The following IQGAP1 variants were observed in gnomAD, a reference collection of about 807,000 sequenced individuals.
IQGAP1 encodes IQ motif containing GTPase activating protein 1, also known as ras GTPase-activating-like protein IQGAP1.
A neutral mutation model predicts 215.6 loss-of-function variants in IQGAP1; 66 were observed. The ratio of observed to expected loss-of-function variants is 0.31; its 90% CI spans 0.25 to 0.38. The LOEUF is 0.38. Among genes scored for constraint, IQGAP1 ranks in the 10% least tolerant of loss-of-function variants. The pLI is 1.00. For missense variants in IQGAP1, 1,712 were observed against 1,997.1 expected, an observed-to-expected ratio of 0.86 and a Z score of 2.72; for synonymous variants, 772 against 728.7, an observed-to-expected ratio of 1.06 and a Z score of -0.96.
intron 18 of IQGAP1, among the ~76,000 whole-genome samples, chr15:90,471,777 G>T (rs931193259): frequency 1.3e-5 from 2 of 152,020 alleles, no homozygotes; most frequent in African/African-American, 4.8e-5. Flanking sequence ...TGGGATTACA[G>T]GCGTGAGCCA....
At chr15:90,394,998 G>A (rs1021846430) in intron 2 of IQGAP1, among the ~76,000 whole-genome samples, 3 of 152,180 alleles carry the variant, frequency 2.0e-5, no homozygotes, top group African/African-American at 7.2e-5. Context: ...TTCTGTGGCT[G>A]TGGGTTTGTG....
At chr15:90,467,410 G>A in intron 17 of IQGAP1, 40 bp from the exon 18 acceptor site, 1 of 1,586,844 alleles carries the variant, frequency 6.3e-7, no homozygotes, top group Non-Finnish European at 8.6e-7. Flanking sequence ...TGGGGAGTGT[G>A]GCTCTGGATG....
intron 2 of IQGAP1, chr15:90,391,408 C>T (rs1964634442): frequency 6.6e-6 from 1 of 152,348 alleles, no homozygotes; most frequent in Non-Finnish European, 1.5e-5. Flanking sequence ...AACGGTTTTC[C>T]AGGTTTCTAT....
At chr15:90,484,191 T>G in intron 29 of IQGAP1, 29 bp from the exon 30 acceptor site, 1 of 1,607,504 alleles carries the variant, frequency 6.2e-7, no homozygotes. Context: ...TGTCCCTTTT[T>G]GGGGGGCTGC....
rs1965830419 is a variant in IQGAP1, at chr15:90,466,327, A to G, written c.1926A>G (p.Thr642=). The change falls in exon 17 of 38, where the codon ACA becomes ACG. Residue 642 remains threonine, a synonymous_variant. Coordinates refer to ENST00000268182, the MANE Select transcript of IQGAP1 (RefSeq NM_003870.4). Reference sequence around the variant, plus strand: ...TAGAAAGTGGTGATGTTGGCAAAACACTGAGTGCCCTTCGCTCCCCTGATG... The same window carrying G: ...TAGAAAGTGGTGATGTTGGCAAAACGCTGAGTGCCCTTCGCTCCCCTGATG... ...EAVESGDVGK[T]LSALRSPDVG... 3 of 1,614,044 alleles carry G rather than the reference A, an allele frequency of 1.9e-6. No homozygotes were observed. The highest frequency in any genetic ancestry group is 2.5e-6 in the Non-Finnish European group (3 of 1,180,016).
At chr15:90,417,949 C>CCA (rs1450526027) in intron 2 of IQGAP1, among the ~76,000 whole-genome samples, 5 of 152,118 alleles carry the variant, frequency 3.3e-5, no homozygotes, top group Non-Finnish European at 5.9e-5. Context: ...AGTTGGATTC[C>CCA]TAAGTATTTT....
At chr15:90,486,233 T>C in intron 31 of IQGAP1, 101 bp downstream of exon 31, 2 of 681,608 alleles carry the variant, frequency 2.9e-6, no homozygotes. Context: ...AAACTCTGGA[T>C]ATACATTGAG....
rs546949583 is a variant in IQGAP1, at chr15:90,426,681, G to A, written c.312+415G>A. On this transcript the variant is annotated intron_variant, in intron 3 of 37. Coordinates refer to ENST00000268182, the MANE Select transcript of IQGAP1 (RefSeq NM_003870.4). ...TTTAAATCTAGTTTTGGGGCCGGGC[G>A]CGGTGGCTCACGCCGGTAATCCCAG... Among the ~76,000 whole-genome samples, 29 of 152,190 alleles carry A rather than the reference G, an allele frequency of 1.9e-4. No individual in the cohort carries two copies. The East Asian group carries it at 4.0e-3, about 21-fold the overall frequency.
intron 10 of IQGAP1, among the ~76,000 whole-genome samples, chr15:90,449,181 T>C (rs1026312477): frequency 2.4e-4 from 36 of 152,014 alleles, no homozygotes; most frequent in Non-Finnish European, 4.0e-4. Context: ...TTTTTTTTTT[T>C]AGAACAAACA....
At chr15:90,489,636 AAACTCTTGAGGCTGCACAGAG>A (rs1205409297) in intron 33 of IQGAP1, among the ~76,000 whole-genome samples, 1 of 152,222 alleles carries the variant, frequency 6.6e-6, no homozygotes, top group Non-Finnish European at 1.5e-5. Context: ...TGCCTCTGGC[AAACTCTTGAGGCTGCACAGAG>A]AACTATTTGG....
In IQGAP1 at chr15:90,435,815, A is replaced by G. The variant is rs1965362904; in HGVS notation, c.467+2020A>G. Among the ~76,000 whole-genome samples, 6 of 152,354 alleles carry G rather than the reference A, an allele frequency of 3.9e-5. 2 individuals are homozygous for G. In the South Asian group the frequency reaches 1.2e-3, roughly 32 times the overall value. Reference sequence around the variant, plus strand: ...TTGAATATGTAGTCTGTGCTTAGAAAGTATATATAGAGCAGTGTGTTTCGT... The same window carrying G: ...TTGAATATGTAGTCTGTGCTTAGAAGGTATATATAGAGCAGTGTGTTTCGT... On this transcript the variant is annotated intron_variant, in intron 5 of 37. Coordinates refer to ENST00000268182, the MANE Select transcript of IQGAP1 (RefSeq NM_003870.4).
At chr15:90,493,291 C>A (rs1342034734) in intron 35 of IQGAP1, among the ~76,000 whole-genome samples, 1 of 151,926 alleles carries the variant, frequency 6.6e-6, no homozygotes, top group Non-Finnish European at 1.5e-5. Context: ...GAAAGGAGAT[C>A]ATCTGCTGGT....
chr15:90,426,012 T>A (rs894286056), intron 2 of IQGAP1, 98 bp from the exon 3 acceptor site: 3 of 1,185,100 alleles, frequency 2.5e-6, no homozygotes, highest in Admixed American at 5.5e-5. Flanking sequence ...ATGTTCAGTT[T>A]AAGCTTCTCC....
chr15:90,411,812 G>A (rs1964970178), intron 2 of IQGAP1, among the ~76,000 whole-genome samples: 1 of 152,128 alleles, frequency 6.6e-6, no homozygotes, highest in Admixed American at 6.5e-5. Context: ...TGGATGGATA[G>A]ATAGACAGCT....
intron 9 of IQGAP1, among the ~76,000 whole-genome samples, chr15:90,446,886 G>A (rs141799942): frequency 6.6e-6 from 1 of 152,166 alleles, no homozygotes; most frequent in African/African-American, 2.4e-5. Context: ...ACTTTATTAT[G>A]TTTGCAATAT....
At chr15:90,478,463 A>G (rs376934781) in intron 26 of IQGAP1, among the ~76,000 whole-genome samples, 1 of 152,234 alleles carries the variant, frequency 6.6e-6, no homozygotes, top group Non-Finnish European at 1.5e-5. Flanking sequence ...CTCTCTTCAT[A>G]GTTCATTGGG....
chr15:90,454,292 T>A, intron 13 of IQGAP1, 136 bp from the exon 14 acceptor site: 1 of 857,816 alleles, frequency 1.2e-6, no homozygotes, highest in South Asian at 1.6e-5. Flanking sequence ...TTTTGCACTT[T>A]GTTTAAAGTA....
chr15:90,439,230 T>G, intron 5 of IQGAP1, 102 bp from the exon 6 acceptor site: 1 of 745,110 alleles, frequency 1.3e-6, no homozygotes, highest in Non-Finnish European at 2.3e-6. Flanking sequence ...GTCTCAGTGT[T>G]CAGAATACTT....
intron 11 of IQGAP1, among the ~76,000 whole-genome samples, chr15:90,450,821 T>G (rs184069994): frequency 2.6e-5 from 4 of 151,506 alleles, no homozygotes; most frequent in African/African-American, 7.2e-5. Flanking sequence ...TTTTGTTTTT[T>G]TTTTTTTGGC....
Sources: gnomAD v4.1 joint callset for allele counts (sites outside exome capture counted in the v4.1 genomes callset) on GRCh38, gnomAD v4.1.1 for gene constraint, MANE v1.5 for transcripts, NCBI Gene and HGNC (gene_info 2026-07-23, HGNC 2026-07-21) for gene names.